CDH12: variants seen among roughly 807,000 people sequenced by gnomAD.
The protein encoded by CDH12 is cadherin-12.
A neutral mutation model predicts 74.1 loss-of-function variants in CDH12; 41 were observed. The observed-to-expected ratio is 0.55, with a 90% CI of 0.43 to 0.72. The LOEUF is 0.72. CDH12 is among the 30% of genes least tolerant of loss of function. CDH12 has a pLI of 0.00. For synonymous variants in CDH12, 399 were observed against 355.0 expected (o/e 1.12, Z -1.39); for missense variants, 945 against 977.2 (o/e 0.97, Z 0.44).
intron 4 of CDH12, among the ~76,000 whole-genome samples, chr5:22,211,140 T>C (rs905427793): frequency 6.6e-6 from 1 of 152,152 alleles, no homozygotes; most frequent in Non-Finnish European, 1.5e-5. Flanking sequence ...GAAAGTGTTC[T>C]GACATCTTTA....
intron 5 of CDH12, among the ~76,000 whole-genome samples, chr5:22,070,000 T>C (rs1741834451): frequency 6.6e-6 from 1 of 152,170 alleles, no homozygotes; most frequent in African/African-American, 2.4e-5. Flanking sequence ...AAGGCAGTTA[T>C]AAATACAAGC....
intron 8 of CDH12, among the ~76,000 whole-genome samples, chr5:21,833,477 A>G (rs13174532): frequency 2.3e-5 from 2 of 86,500 alleles, no homozygotes; most frequent in South Asian, 3.8e-4. Flanking sequence ...ATTATATATC[A>G]TATATTATAT....
At chr5:22,013,844 T>C (rs1737439464) in intron 5 of CDH12, among the ~76,000 whole-genome samples, 1 of 152,186 alleles carries the variant, frequency 6.6e-6, no homozygotes. Flanking sequence ...AATATACTTC[T>C]CTTTTTAACA....
At chr5:22,635,995 A>G (rs2126863291) in intron 1 of CDH12, among the ~76,000 whole-genome samples, 1 of 152,066 alleles carries the variant, frequency 6.6e-6, no homozygotes, top group African/African-American at 2.4e-5. Flanking sequence ...TAAAATTAAG[A>G]AAATCATTAA....
At chr5:22,086,798 T>G (rs912338423) in intron 4 of CDH12, among the ~76,000 whole-genome samples, 1 of 152,178 alleles carries the variant, frequency 6.6e-6, no homozygotes, top group Non-Finnish European at 1.5e-5. Flanking sequence ...CAGTACTTTA[T>G]GGCAAGAGAC....
chr5:22,478,921 T>G (rs1358666040), intron 2 of CDH12, among the ~76,000 whole-genome samples: 1 of 152,200 alleles, frequency 6.6e-6, no homozygotes, highest in Non-Finnish European at 1.5e-5. Context: ...GTTTTCTGTT[T>G]GCTCTTTATC....
At chr5:22,289,096 C>T (rs920983310) in intron 3 of CDH12, among the ~76,000 whole-genome samples, 1 of 151,946 alleles carries the variant, frequency 6.6e-6, no homozygotes, top group Non-Finnish European at 1.5e-5. Flanking sequence ...AAAGCAATTC[C>T]AGAGGATAAA....
intron 10 of CDH12, among the ~76,000 whole-genome samples, chr5:21,789,239 T>A (rs1444670259): frequency 1.3e-5 from 2 of 152,082 alleles, no homozygotes; most frequent in African/African-American, 4.8e-5. Flanking sequence ...TTTATAGTTT[T>A]ATGTAATGTT....
chr5:22,482,855 T>A (rs1746438520), intron 2 of CDH12, among the ~76,000 whole-genome samples: 2 of 152,170 alleles, frequency 1.3e-5, no homozygotes, highest in South Asian at 4.1e-4. Context: ...GATAAATTGA[T>A]AAATGTCCAT....
chr5:22,837,586 T>C (rs1294270972), intron 1 of CDH12, among the ~76,000 whole-genome samples: 1 of 152,150 alleles, frequency 6.6e-6, no homozygotes, highest in African/African-American at 2.4e-5. Context: ...CATGTAAAAA[T>C]ATGTTATTAT....
intron 3 of CDH12, among the ~76,000 whole-genome samples, chr5:22,341,317 T>G (rs1318912691): frequency 2.0e-5 from 3 of 152,092 alleles, no homozygotes; most frequent in Non-Finnish European, 4.4e-5. Flanking sequence ...TACCCCTATC[T>G]CTACAAAAAG....
chr5:21,857,227 G>A (rs1579845040), intron 6 of CDH12, among the ~76,000 whole-genome samples: 2 of 151,980 alleles, frequency 1.3e-5, no homozygotes. Flanking sequence ...CATGTTTAAT[G>A]TGCCACAAGG....
intron 3 of CDH12, among the ~76,000 whole-genome samples, chr5:22,311,561 A>G (rs1738389010): frequency 6.6e-6 from 1 of 151,792 alleles, no homozygotes; most frequent in Admixed American, 6.6e-5. Flanking sequence ...AATTAGCCTG[A>G]CGTGGTGGCA....
At chr5:22,165,539 C>T (rs2150323204) in intron 4 of CDH12, among the ~76,000 whole-genome samples, 1 of 151,866 alleles carries the variant, frequency 6.6e-6, no homozygotes, top group Non-Finnish European at 1.5e-5. Context: ...CACAGACATT[C>T]CAAGCATTTG....
At chr5:22,229,217 A>C (rs1752301055) in intron 3 of CDH12, among the ~76,000 whole-genome samples, 1 of 151,882 alleles carries the variant, frequency 6.6e-6, no homozygotes, top group South Asian at 2.1e-4. Context: ...CTTGCTACCA[A>C]AATCATTTAT....
intron 1 of CDH12, among the ~76,000 whole-genome samples, chr5:22,673,702 G>A (rs1490449643): frequency 6.6e-6 from 1 of 152,088 alleles, no homozygotes; most frequent in Non-Finnish European, 1.5e-5. Context: ...AAGTGAATAT[G>A]AACTCAGTCT....
At chr5:22,516,701 G>C (rs1736823774) in intron 1 of CDH12, among the ~76,000 whole-genome samples, 1 of 152,050 alleles carries the variant, frequency 6.6e-6, no homozygotes, top group Non-Finnish European at 1.5e-5. Context: ...AGACTGGAGT[G>C]GGAGGATGAC....
intron 14 of CDH12, 139 bp downstream of exon 14, chr5:21,755,452 A>G: frequency 1.5e-6 from 1 of 668,414 alleles, no homozygotes; most frequent in South Asian, 2.0e-5. Context: ...CACATAGATT[A>G]TCTTCTAGCT....
intron 6 of CDH12, among the ~76,000 whole-genome samples, chr5:21,969,224 T>C (rs1382735002): frequency 6.6e-6 from 1 of 152,016 alleles, no homozygotes; most frequent in Non-Finnish European, 1.5e-5. Context: ...GCTCCTGGAC[T>C]TTGAGCTGAT....
Sources: allele counts gnomAD v4.1 joint callset (sites outside exome capture counted in the v4.1 genomes callset), GRCh38; gene constraint gnomAD v4.1.1; transcripts MANE v1.5; gene names NCBI Gene and HGNC (gene_info 2026-07-23, HGNC 2026-07-21).